The following TCF7L2 variants were observed in gnomAD, a reference collection of about 807,000 sequenced individuals.
TCF7L2 encodes the protein transcription factor 7 like 2.
In TCF7L2, 23 loss-of-function variants were observed where a neutral mutation model predicts 77.9. The observed-to-expected ratio is 0.30, with a 90% CI of 0.21 to 0.42. The LOEUF is 0.42. TCF7L2 is among the 10% of genes least tolerant of loss of function. TCF7L2 has a pLI of 1.00. For missense variants in TCF7L2, 654 were observed against 793.1 expected (o/e 0.82, Z 2.11); for synonymous variants, 413 against 340.2 (o/e 1.21, Z -2.36).
chr10:112,980,222 G>T (rs1033395853), intron 4 of TCF7L2, among the ~76,000 whole-genome samples: 2 of 152,208 alleles, frequency 1.3e-5, no homozygotes, highest in Non-Finnish European at 1.5e-5. Context: ...GAAAGCCTCC[G>T]CTTTGCGGGT....
chr10:113,127,277 C>T (rs1257248232), intron 5 of TCF7L2, among the ~76,000 whole-genome samples: 1 of 146,622 alleles, frequency 6.8e-6, no homozygotes, highest in Non-Finnish European at 1.5e-5. Flanking sequence ...AAGTTAAAGA[C>T]ACCAATGCTC....
In TCF7L2 at chr10:112,985,863, T is replaced by TGTGG. The variant is rs1369795466; in HGVS notation, c.450+21242_450+21243insGGTG. The stretch of plus-strand genomic sequence containing the variant: ...AGCTTGGAAAGAAGCCTGTAGTTTG[T>TGTGG]GTGTGTGTGTGTGTGTGTGTGTGTG... On this transcript the variant is annotated intron_variant, in intron 4 of 13. Coordinates refer to ENST00000627217, the MANE Select transcript of TCF7L2 (RefSeq NM_001146274.2). Among the ~76,000 whole-genome samples, 744 of 87,764 alleles carry TGTGG rather than the reference T, an allele frequency of 8.5e-3. 5 individuals carry two copies. Among genetic ancestry groups the TGTGG allele is most frequent in the African/African-American group, 0.03 (709 of 23,334 alleles). 57.6% of individuals were successfully genotyped at this position (87,764 alleles called of 152,430 possible). A position where few individuals can be genotyped will look rare whatever the true frequency, so the allele number is the denominator to read the frequency against.
intron 4 of TCF7L2, among the ~76,000 whole-genome samples, chr10:113,035,168 G>C (rs954911900): frequency 6.6e-6 from 1 of 152,174 alleles, no homozygotes; most frequent in Non-Finnish European, 1.5e-5. Flanking sequence ...TGTGATGGGG[G>C]CCTCAGCCAA....
chr10:112,982,823 C>T (rs141069950), intron 4 of TCF7L2, among the ~76,000 whole-genome samples: 2,586 of 152,172 alleles, frequency 0.017, 64 homozygotes, highest in African/African-American at 0.058. Flanking sequence ...CAGGGTTTTG[C>T]CATGTTGGCC....
chr10:113,136,829 A>G (rs774977819), intron 5 of TCF7L2, among the ~76,000 whole-genome samples: 3 of 152,110 alleles, frequency 2.0e-5, no homozygotes, highest in African/African-American at 4.8e-5. Flanking sequence ...TCATATCTAA[A>G]TTTTCTTAGG....
chr10:113,025,372 G>A (rs1287074980), intron 4 of TCF7L2, among the ~76,000 whole-genome samples: 3 of 152,096 alleles, frequency 2.0e-5, no homozygotes, highest in Admixed American at 6.6e-5. Flanking sequence ...CTGAGTAGCT[G>A]GGATTATAGG....
intron 4 of TCF7L2, among the ~76,000 whole-genome samples, chr10:113,038,283 G>C (rs779835468): frequency 1.8e-4 from 28 of 152,138 alleles, no homozygotes. Context: ...GAAGCAAGGG[G>C]AGTCGATGCA....
intron 5 of TCF7L2, among the ~76,000 whole-genome samples, chr10:113,093,116 A>G (rs1355763094): frequency 6.6e-6 from 1 of 152,196 alleles, no homozygotes; most frequent in African/African-American, 2.4e-5. Flanking sequence ...CTGGGTACCT[A>G]CAGAGATCCC....
Position 113,166,014 on chromosome 10 carries a change from T to G in TCF7L2, c.*42T>G. The G allele has an allele frequency of 7.0e-7, 1 of 1,419,728 alleles. No individual in the cohort carries two copies. Among genetic ancestry groups the G allele is most frequent in the Non-Finnish European group, 9.2e-7 (1 of 1,081,822 alleles). 87.9% of individuals were successfully genotyped at this position (1,419,728 alleles called of 1,614,324 possible). On this transcript the variant is annotated 3_prime_UTR_variant, in exon 14 of 14. Coordinates refer to ENST00000627217, the MANE Select transcript of TCF7L2 (RefSeq NM_001146274.2). Reference sequence around the variant, plus strand: ...CCCGCTGCTTTGTTTATGGTTTTGTTTCACTTTTCTTAATTTGCCCCCCAC... The same window carrying G: ...CCCGCTGCTTTGTTTATGGTTTTGTGTCACTTTTCTTAATTTGCCCCCCAC...
At chr10:113,037,347 G>T (rs1325205322) in intron 4 of TCF7L2, among the ~76,000 whole-genome samples, 3 of 152,162 alleles carry the variant, frequency 2.0e-5, no homozygotes, top group African/African-American at 4.8e-5. Flanking sequence ...TCACTGTGGA[G>T]TCCCTGCAAG....
intron 2 of TCF7L2, 72 bp from the exon 3 acceptor site, chr10:112,951,410 TC>T: frequency 1.6e-6 from 2 of 1,280,176 alleles, no homozygotes; most frequent in South Asian, 2.7e-5. Flanking sequence ...CGGGGCACTT[TC>T]TAAAAAGTTT....
intron 11 of TCF7L2, among the ~76,000 whole-genome samples, chr10:113,154,093 G>A (rs573398640): frequency 3.3e-5 from 5 of 152,312 alleles, no homozygotes; most frequent in Admixed American, 1.3e-4. Context: ...GGGCTTGCAC[G>A]GGGTCTCCAC....
In TCF7L2 at chr10:113,151,861, A is replaced by G; in HGVS notation, c.1138A>G (p.Ile380Val). 1 of 1,607,166 alleles carries G rather than the reference A, an allele frequency of 6.2e-7. No homozygotes were observed. Among genetic ancestry groups the G allele is most frequent in the Non-Finnish European group, 8.5e-7 (1 of 1,178,324 alleles). ...GTGCACGTTGAAAGAAAGCGCGGCC[A>G]TCAACCAGATCCTTGGGCGGAGGGT... Residue 380 changes from isoleucine (I) to valine (V), a missense_variant, in exon 10 of 14, where the codon ATC becomes GTC. Ile to Val is a conservative substitution (Grantham distance 29). This residue lies in a region of TCF7L2 where 31 missense variants were observed against 116.1 expected (regional missense o/e 0.27). Coordinates refer to ENST00000627217, the MANE Select transcript of TCF7L2 (RefSeq NM_001146274.2). The surrounding 1 kb of genome is among the most constrained non-coding windows in gnomAD (Gnocchi z 5.2).
At chr10:113,099,626 C>T (rs577137213) in intron 5 of TCF7L2, among the ~76,000 whole-genome samples, 1 of 152,308 alleles carries the variant, frequency 6.6e-6, no homozygotes, top group South Asian at 2.1e-4. Context: ...TGTCCTCCCC[C>T]TGGGAAATGA....
At chr10:113,129,871 C>CA in intron 5 of TCF7L2, 1 of 1,289,702 alleles carries the variant, frequency 7.8e-7, no homozygotes, top group Non-Finnish European at 1.0e-6. Context: ...TGTTATGTAC[C>CA]CTAGGGACAC....
At chr10:113,104,530 C>G (rs1300246483) in intron 5 of TCF7L2, among the ~76,000 whole-genome samples, 1 of 152,146 alleles carries the variant, frequency 6.6e-6, no homozygotes, top group Non-Finnish European at 1.5e-5. Context: ...TTATCCTTTT[C>G]AGGGCAATGC....
intron 5 of TCF7L2, among the ~76,000 whole-genome samples, chr10:113,076,160 C>T (rs934884295): frequency 7.4e-6 from 1 of 135,456 alleles, no homozygotes; most frequent in Non-Finnish European, 1.6e-5. Context: ...AAAAAAAAGA[C>T]AGGATCTTGC....
chr10:113,071,255 A>G (rs868606420), intron 5 of TCF7L2, among the ~76,000 whole-genome samples: 1 of 152,130 alleles, frequency 6.6e-6, no homozygotes, highest in Middle Eastern at 3.2e-3. Flanking sequence ...ATTTAGTGGT[A>G]GAATGTTTGC....
chr10:112,998,968 C>T (rs1035083573), intron 4 of TCF7L2, among the ~76,000 whole-genome samples: 1 of 152,182 alleles, frequency 6.6e-6, no homozygotes, highest in South Asian at 2.1e-4. Context: ...ATTTGAGGCT[C>T]TCTGTGCTTT....
Sources: allele counts gnomAD v4.1 joint callset (sites outside exome capture counted in the v4.1 genomes callset), GRCh38; gene constraint gnomAD v4.1.1; regional missense constraint gnomAD v4.1.1; non-coding constraint Gnocchi (gnomAD v3.1); transcripts MANE v1.5; gene names NCBI Gene and HGNC (gene_info 2026-07-23, HGNC 2026-07-21).